MARCHF2: variants seen among roughly 807,000 people sequenced by gnomAD.
The protein encoded by MARCHF2 is membrane associated ring-CH-type finger 2.
In MARCHF2, 22 loss-of-function variants were observed where a neutral mutation model predicts 24.0. The observed-to-expected ratio is 0.92, with a 90% CI of 0.66 to 1.31. MARCHF2 has a LOEUF of 1.31. Ranked by LOEUF, MARCHF2 falls within the 50% of genes most tolerant of loss-of-function variation. The probability of loss-of-function intolerance (pLI) is 0.00; values close to 1 mark genes in which losing one functional copy is unlikely to be tolerated. For missense variants in MARCHF2, 301 were observed against 335.3 expected (o/e 0.90, Z 0.80); for synonymous variants, 154 against 153.0 (o/e 1.01, Z -0.05).
At chr19:8,426,323 G>T (rs1967401443) in intron 2 of MARCHF2, among the ~76,000 whole-genome samples, 2 of 151,800 alleles carry the variant, frequency 1.3e-5, no homozygotes. Context: ...AGAGGACATG[G>T]GGGCGGGTAT....
intron 1 of MARCHF2, among the ~76,000 whole-genome samples, chr19:8,416,378 C>T (rs1419904895): frequency 6.6e-6 from 1 of 151,296 alleles, no homozygotes; most frequent in Non-Finnish European, 1.5e-5. Context: ...GCAGCAGCAA[C>T]CAGAAATGCA....
At chr19:8,424,263 A>C (rs1967335058) in intron 2 of MARCHF2, among the ~76,000 whole-genome samples, 1 of 152,020 alleles carries the variant, frequency 6.6e-6, no homozygotes, top group Non-Finnish European at 1.5e-5. Context: ...TTTCCCCCTC[A>C]CAAGGGCAGA....
chr19:8,425,064 G>A (rs1313382629), intron 2 of MARCHF2, among the ~76,000 whole-genome samples: 1 of 151,818 alleles, frequency 6.6e-6, no homozygotes, highest in Non-Finnish European at 1.5e-5. Flanking sequence ...GTACCACCAC[G>A]CCAAGATAAG....
intron 3 of MARCHF2, among the ~76,000 whole-genome samples, chr19:8,428,200 C>T (rs1967463974): frequency 1.3e-5 from 2 of 151,784 alleles, no homozygotes; most frequent in Admixed American, 1.3e-4. Flanking sequence ...GCGGAGCTTG[C>T]AGTGAGCTGA....
intron 4 of MARCHF2, among the ~76,000 whole-genome samples, chr19:8,431,928 A>C (rs57537626): frequency 0.29 from 43,813 of 151,824 alleles, 6,946 homozygotes; most frequent in Admixed American, 0.41. Context: ...AGGCTGAGGC[A>C]GGCGGATTCC....
chr19:8,429,578 T>C (rs1383211643), intron 3 of MARCHF2, among the ~76,000 whole-genome samples: 1 of 151,308 alleles, frequency 6.6e-6, no homozygotes, highest in African/African-American at 2.4e-5. Context: ...GATCTTGGCT[T>C]ACTGCAACCT....
At chr19:8,433,915 A>G (rs1967646067) in intron 4 of MARCHF2, among the ~76,000 whole-genome samples, 1 of 151,358 alleles carries the variant, frequency 6.6e-6, no homozygotes, top group Admixed American at 6.6e-5. Context: ...AGACAGACAG[A>G]ATGATGGGGG....
intron 4 of MARCHF2, among the ~76,000 whole-genome samples, chr19:8,435,741 T>C (rs1278863017): frequency 6.6e-6 from 1 of 151,860 alleles, no homozygotes; most frequent in Non-Finnish European, 1.5e-5. Context: ...TGTTTTGCTA[T>C]GTTGTTGTAT....
chr19:8,437,785 C>T (rs1039299685), intron 4 of MARCHF2, among the ~76,000 whole-genome samples: 1 of 151,540 alleles, frequency 6.6e-6, no homozygotes, highest in African/African-American at 2.4e-5. Context: ...CACTCTGTCG[C>T]CCAGGCTGGA....
At chr19:8,416,229 C>G (rs956429476) in intron 1 of MARCHF2, among the ~76,000 whole-genome samples, 5 of 151,424 alleles carry the variant, frequency 3.3e-5, no homozygotes, top group African/African-American at 1.2e-4. Context: ...GTAATCCCAG[C>G]TACTCGGGAG....
intron 4 of MARCHF2, among the ~76,000 whole-genome samples, chr19:8,431,978 G>A (rs1169786044): frequency 2.0e-5 from 3 of 151,770 alleles, no homozygotes; most frequent in Non-Finnish European, 4.4e-5. Context: ...CCAACATGGT[G>A]AAACCCCATC....
At chr19:8,426,395 C>T (rs2145555221) in intron 2 of MARCHF2, among the ~76,000 whole-genome samples, 1 of 152,044 alleles carries the variant, frequency 6.6e-6, no homozygotes, top group South Asian at 2.1e-4. Flanking sequence ...GAACACATCA[C>T]TCCACCTGTG....
In MARCHF2 at chr19:8,430,404, G is replaced by A. The variant is rs994107730; in HGVS notation, c.373-254G>A. Among the ~76,000 whole-genome samples the A allele has an allele frequency of 1.3e-5, 2 of 152,062 alleles. No individual in the cohort carries two copies. Among genetic ancestry groups the A allele is most frequent in the South Asian group, 2.1e-4 (1 of 4,814 alleles). ...TACAAAATTAGCCGTGCATGGTGGC[G>A]CTTGCCTGTAATCCCAGCTACTCCG... is the stretch of plus-strand genomic sequence containing the variant. On this transcript the variant is annotated intron_variant, in intron 3 of 4. Coordinates refer to ENST00000215555, the MANE Select transcript of MARCHF2 (RefSeq NM_001005415.2). This position sits in a 1 kb window ranked among gnomAD's most constrained non-coding sequence, Gnocchi z 4.4.
rs141281179 is a variant in MARCHF2 at position 8,421,892 on chromosome 19, G to A, written c.52G>A (p.Gly18Ser). Residue 18 changes from glycine (G) to serine (S), a missense_variant, in exon 2 of 5, where the codon GGC (glycine) becomes AGC (serine). Physicochemically the swap from Gly to Ser is moderately conservative, Grantham distance 56. Transcript: ENST00000215555. The stretch of plus-strand genomic sequence containing the variant: ...CCCCGGCTCCCTGTGTGACTGCTCC[G>A]GCAGCCCTGCCTTCTCCAAGGTCGT... ...HLPGSLCDCSGSPAFSKVVEA... is the reference protein window; with the variant it reads ...HLPGSLCDCSSSPAFSKVVEA... The A allele has an allele frequency of 1.2e-5, 19 of 1,613,440 alleles. No homozygotes were observed. Among genetic ancestry groups the A allele is most frequent in the African/African-American group, 1.1e-4 (8 of 74,924 alleles).
intron 4 of MARCHF2, among the ~76,000 whole-genome samples, chr19:8,434,498 G>A (rs1196701201): frequency 6.6e-6 from 1 of 151,324 alleles, no homozygotes; most frequent in Non-Finnish European, 1.5e-5. Context: ...CACACACAAC[G>A]AGGCAGCCAC....
rs201582239 is a variant in MARCHF2 at position 8,421,834 on chromosome 19, G to A, written c.-7G>A. On this transcript the variant is annotated 5_prime_UTR_variant, in exon 2 of 5. Transcript: ENST00000215555. ...CAGGCCCTGAGGATACGGGGCTCCC[G>A]GTGGCCATGACGACGGGTGACTGCT... is the stretch of plus-strand genomic sequence containing the variant. The A allele has an allele frequency of 1.2e-4, 191 of 1,602,650 alleles. No individual in the cohort carries two copies. The East Asian group carries it at 3.5e-3, about 30-fold the overall frequency.
intron 4 of MARCHF2, among the ~76,000 whole-genome samples, chr19:8,437,959 C>T (rs1390112416): frequency 1.3e-5 from 2 of 151,982 alleles, no homozygotes; most frequent in African/African-American, 2.4e-5. Context: ...GACAGGGTTT[C>T]TCCATGTTGC....
chr19:8,415,079 A>T (rs1224751508), intron 1 of MARCHF2, among the ~76,000 whole-genome samples: 1 of 152,088 alleles, frequency 6.6e-6, no homozygotes, highest in Non-Finnish European at 1.5e-5. Context: ...GGGTGTAATT[A>T]TTGGTTTGTT....
rs1568233711 is a variant in MARCHF2 at position 8,415,745 on chromosome 19, A to AAAAAAAAAAAAAAAAAAAAAC, written c.-53+2335_-53+2336insAAAAAAAAAACAAAAAAAAAA. 1.1e-3 allele frequency among the ~76,000 whole-genome samples: 61 copies of AAAAAAAAAAAAAAAAAAAAAC among 53,998 alleles called. 2 individuals are homozygous for AAAAAAAAAAAAAAAAAAAAAC. The highest frequency in any genetic ancestry group is 1.9e-3 in the Non-Finnish European group (46 of 24,404). 35.4% of individuals were successfully genotyped at this position (53,998 alleles called of 152,430 possible). On this transcript the variant is annotated intron_variant, in intron 1 of 4. Transcript: ENST00000215555. Reference sequence around the variant, plus strand: ...TCAAAAAAAAAAAAACAAAAAAAACAAAAAAAAAAACCAGACAAAAGAAAG... The same window carrying AAAAAAAAAAAAAAAAAAAAAC: ...TCAAAAAAAAAAAAACAAAAAAAACAAAAAAAAAAAAAAAAAAAAACAAAAAAAAAACCAGACAAAAGAAAG...
Sources: allele counts gnomAD v4.1 joint callset (sites outside exome capture counted in the v4.1 genomes callset), GRCh38; gene constraint gnomAD v4.1.1; non-coding constraint Gnocchi (gnomAD v3.1); transcripts MANE v1.5; gene names NCBI Gene and HGNC (gene_info 2026-07-23, HGNC 2026-07-21).